The following NCOR1 variants were observed in gnomAD, a reference collection of about 807,000 sequenced individuals.
The protein encoded by NCOR1 is nuclear receptor corepressor 1.
Under a neutral mutation model 288.1 loss-of-function variants are expected in NCOR1, and 63 were observed. That is an observed-to-expected ratio of 0.22 (90% CI 0.18 to 0.27). The LOEUF is 0.27. Ranked by LOEUF, NCOR1 falls within the 10% of genes least tolerant of loss-of-function variation. The pLI, the probability that NCOR1 is intolerant of heterozygous loss-of-function variation, is 1.00. For missense variants in NCOR1, 2,397 were observed against 3,019.2 expected, an observed-to-expected ratio of 0.79 and a Z score of 4.83; for synonymous variants, 1,007 against 1,065.9, an observed-to-expected ratio of 0.94 and a Z score of 1.08.
chr17:16,068,817 G>A (rs1314881261), intron 31 of NCOR1, among the ~76,000 whole-genome samples: 10 of 150,756 alleles, frequency 6.6e-5, no homozygotes, highest in African/African-American at 2.2e-4. Flanking sequence ...GGGTTCAAGC[G>A]ATTCTCCTGT....
At chr17:16,119,293 C>T in intron 17 of NCOR1, 130 bp downstream of exon 17, 1 of 604,386 alleles carries the variant, frequency 1.7e-6, no homozygotes, top group East Asian at 2.8e-5. Context: ...CTTAAAGTCA[C>T]TTCTGAGTCC....
intron 42 of NCOR1, among the ~76,000 whole-genome samples, chr17:16,041,471 TG>T: frequency 7.3e-6 from 1 of 136,308 alleles, no homozygotes; most frequent in African/African-American, 2.8e-5. Flanking sequence ...TGGAGTGCAA[TG>T]GCGTGATCTA....
Position 16,127,277 on chromosome 17 carries a change from A to G in NCOR1, c.1510-1071T>C, listed in dbSNP as rs1398526200. ...TATGTGTGTGTATATATGTATGTAT[A>G]TATACGTGTATATATGTATGTATGT... On this transcript the variant is annotated intron_variant, in intron 14 of 45. Coordinates refer to ENST00000268712, the MANE Select transcript of NCOR1 (RefSeq NM_006311.4). Among the ~76,000 whole-genome samples the G allele has an allele frequency of 1.2e-4, 12 of 98,058 alleles. 1 individual carries two copies. In the East Asian group the frequency reaches 1.2e-3, roughly 10 times the overall value. The allele number at this position is 98,058 out of a possible 152,430, so 64.3% of individuals were successfully genotyped here.
At position 16,057,935 on chromosome 17, in the gene NCOR1, C is replaced by T. The variant is rs1223330502; in HGVS notation, c.6140G>A (p.Arg2047Gln). Residue 2047 changes from arginine to glutamine, a missense_variant, in exon 39 of 46, where the codon CGG becomes CAG. Physicochemically the swap from Arg to Gln is conservative, Grantham distance 43. Coordinates refer to ENST00000268712, the MANE Select transcript of NCOR1 (RefSeq NM_006311.4). ...GATGTGATCAGCAAGTGTGATCAGCCGATGGGTCCTGGGCACTTGCCCCAT... is the reference window on the plus strand; with the variant it reads ...GATGTGATCAGCAAGTGTGATCAGCTGATGGGTCCTGGGCACTTGCCCCAT... The part of the protein sequence containing the change: ...EGMGQVPRTH[R>Q]LITLADHICQ... 1.2e-6 allele frequency: 2 copies of T among 1,612,682 alleles called. No individual in the cohort carries two copies. The highest frequency in any genetic ancestry group is 1.7e-6 in the Non-Finnish European group (2 of 1,179,272).
intron 13 of NCOR1, 190 bp downstream of exon 13, chr17:16,137,968 C>A: frequency 2.1e-6 from 1 of 487,250 alleles, no homozygotes; most frequent in Non-Finnish European, 3.6e-6. Flanking sequence ...TTTCATTAAC[C>A]ATTTAGTTCT....
intron 21 of NCOR1, among the ~76,000 whole-genome samples, chr17:16,095,765 G>A (rs2066468707): frequency 1.4e-5 from 2 of 147,018 alleles, no homozygotes; most frequent in African/African-American, 5.0e-5. Flanking sequence ...CCTCTGCCCG[G>A]CTGCCCCTAC....
intron 40 of NCOR1, 51 bp downstream of exon 40, chr17:16,057,463 A>T: frequency 1.3e-6 from 2 of 1,537,924 alleles, no homozygotes; most frequent in Non-Finnish European, 1.8e-6. Flanking sequence ...GATATATTCC[A>T]TTTGTTTTAC....
intron 10 of NCOR1, among the ~76,000 whole-genome samples, chr17:16,145,534 G>A (rs1338101494): frequency 6.3e-5 from 9 of 142,782 alleles, no homozygotes; most frequent in East Asian, 3.9e-4. Context: ...ACTGAGGAGC[G>A]TCTCTGCCCC....
intron 19 of NCOR1, among the ~76,000 whole-genome samples, chr17:16,103,031 TATCGTTTATATTGTTCTATA>T (rs1258317108): frequency 2.6e-5 from 4 of 152,244 alleles, no homozygotes; most frequent in Admixed American, 6.5e-5. Flanking sequence ...TCTTTCCCCA[TATCGTTTATATTGTTCTATA>T]ATCGTTTATA....
chr17:16,195,044 G>A (rs558085003), intron 1 of NCOR1, among the ~76,000 whole-genome samples: 2 of 152,300 alleles, frequency 1.3e-5, no homozygotes, highest in Admixed American at 1.3e-4. Flanking sequence ...TTTGTGCAGA[G>A]GGAAGTATTG....
chr17:16,091,203 A>T lies in NCOR1; in HGVS notation c.3016+660T>A, dbSNP rs1598433736. Among the ~76,000 whole-genome samples, 4 of 152,356 alleles carry T rather than the reference A, an allele frequency of 2.6e-5. No individual in the cohort carries two copies. The South Asian group carries it at 8.3e-4, about 32-fold the overall frequency. On this transcript the variant is annotated intron_variant, in intron 22 of 45. Transcript: ENST00000268712. ...TACCTCCATAGTATCTACTGTGTATATACAGTACTAATACACTAATTAATA... is the reference window on the plus strand; with the variant it reads ...TACCTCCATAGTATCTACTGTGTATTTACAGTACTAATACACTAATTAATA...
At chr17:16,140,186 G>C (rs1034321150) in intron 11 of NCOR1, among the ~76,000 whole-genome samples, 10 of 151,206 alleles carry the variant, frequency 6.6e-5, no homozygotes, top group Admixed American at 3.3e-4. Context: ...ACTTACAGAT[G>C]TTTCCTCATG....
intron 3 of NCOR1, among the ~76,000 whole-genome samples, chr17:16,174,509 GAGA>G (rs1359170426): frequency 6.6e-6 from 1 of 152,142 alleles, no homozygotes; most frequent in Non-Finnish European, 1.5e-5. Context: ...CCCAGTACTG[GAGA>G]AGAAACTAAG....
rs559117650 is a variant in NCOR1 at position 16,211,664 on chromosome 17, C to T, written c.-71+3698G>A. Among the ~76,000 whole-genome samples the T allele has an allele frequency of 5.9e-5, 9 of 151,970 alleles. No homozygotes were observed. The South Asian group carries it at 1.9e-3, about 32-fold the overall frequency. ...ACATTCGCAGTGTTTCATACAGTCT[C>T]AGACTTTCAAATGCAAAGAAAAAAA... On this transcript the variant is annotated intron_variant, in intron 1 of 45. Coordinates refer to ENST00000268712, the MANE Select transcript of NCOR1 (RefSeq NM_006311.4).
At chr17:16,164,863 G>A (rs62072480) in intron 5 of NCOR1, 116 bp downstream of exon 5, 7 of 690,146 alleles carry the variant, frequency 1.0e-5, no homozygotes, top group Non-Finnish European at 1.6e-5. Context: ...CAGCAAGTCC[G>A]AATATATAAG....
At chr17:16,210,377 G>A (rs1016812460) in intron 1 of NCOR1, among the ~76,000 whole-genome samples, 14 of 151,998 alleles carry the variant, frequency 9.2e-5, no homozygotes, top group Non-Finnish European at 1.6e-4. Flanking sequence ...AGAGTGAAAC[G>A]CTGCCTCAAA....
intron 13 of NCOR1, chr17:16,137,647 A>G: frequency 3.3e-6 from 1 of 304,428 alleles, no homozygotes; most frequent in South Asian, 1.4e-4. Flanking sequence ...GATGCCAGGA[A>G]CTATCAGAAA....
chr17:16,038,495 G>C (rs1312849285), intron 44 of NCOR1, among the ~76,000 whole-genome samples: 1 of 151,524 alleles, frequency 6.6e-6, no homozygotes, highest in Non-Finnish European at 1.5e-5. Context: ...GGAGTGCAGT[G>C]GTGCAATTGC....
chr17:16,114,981 A>G (rs553340195), intron 18 of NCOR1, among the ~76,000 whole-genome samples: 6 of 152,136 alleles, frequency 3.9e-5, no homozygotes, highest in Admixed American at 2.0e-4. Flanking sequence ...GTCCTCCATG[A>G]GAGCCCCACC....
Sources: allele counts gnomAD v4.1 joint callset (sites outside exome capture counted in the v4.1 genomes callset), GRCh38; gene constraint gnomAD v4.1.1; transcripts MANE v1.5; gene names NCBI Gene and HGNC (gene_info 2026-07-23, HGNC 2026-07-21).